ARFIP1: variants seen among roughly 807,000 people sequenced by gnomAD.
The protein encoded by ARFIP1 is arfaptin-1.
In ARFIP1, 24 loss-of-function variants were observed where a neutral mutation model predicts 42.5. The ratio of observed to expected loss-of-function variants is 0.57; its 90% confidence interval spans 0.41 to 0.80. The LOEUF (loss-of-function observed/expected upper bound fraction) is 0.80. ARFIP1 is among the 30% of genes least tolerant of loss of function. ARFIP1 has a pLI of 0.00. For missense variants in ARFIP1, 354 were observed against 434.0 expected (o/e 0.82, Z 1.64); for synonymous variants, 141 against 153.7 (o/e 0.92, Z 0.61).
intron 1 of ARFIP1, among the ~76,000 whole-genome samples, chr4:152,790,305 C>G (rs1731071897): frequency 6.6e-6 from 1 of 152,154 alleles, no homozygotes; most frequent in East Asian, 1.9e-4. Flanking sequence ...AACAGGTAAC[C>G]TGTTTGATCT....
At chr4:152,872,039 T>G (rs898645198) in intron 4 of ARFIP1, among the ~76,000 whole-genome samples, 2 of 152,160 alleles carry the variant, frequency 1.3e-5, no homozygotes, top group Non-Finnish European at 2.9e-5. Flanking sequence ...CACATTACAG[T>G]GAAAGATCAC....
intron 1 of ARFIP1, among the ~76,000 whole-genome samples, chr4:152,785,594 C>T (rs1256551607): frequency 6.6e-6 from 1 of 152,226 alleles, no homozygotes; most frequent in Admixed American, 6.5e-5. Flanking sequence ...TGAACCACTG[C>T]ATCCAGCATA....
intron 1 of ARFIP1, among the ~76,000 whole-genome samples, chr4:152,804,539 A>G (rs75709219): frequency 0.046 from 6,220 of 135,942 alleles, 584 homozygotes; most frequent in African/African-American, 0.16. Context: ...CTGTTCATGT[A>G]TTTCAGTCAC....
chr4:152,808,321 G>T (rs1464241904), intron 1 of ARFIP1, among the ~76,000 whole-genome samples: 2 of 22,490 alleles, frequency 8.9e-5, no homozygotes, highest in East Asian at 1.1e-3. Context: ...TTTTTTTGTA[G>T]CAGTAGTTTG....
At chr4:152,843,661 G>C (rs1435476652) in intron 2 of ARFIP1, among the ~76,000 whole-genome samples, 1 of 152,124 alleles carries the variant, frequency 6.6e-6, no homozygotes, top group Non-Finnish European at 1.5e-5. Flanking sequence ...GATTATGGCT[G>C]CCTCTGCTGA....
chr4:152,824,984 C>A (rs923230780), intron 1 of ARFIP1, among the ~76,000 whole-genome samples: 2 of 148,322 alleles, frequency 1.3e-5, no homozygotes, highest in Admixed American at 6.6e-5. Context: ...TACATACACA[C>A]ACACACACAT....
At chr4:152,855,157 AGGT>A (rs775289448) in intron 2 of ARFIP1, among the ~76,000 whole-genome samples, 11 of 152,050 alleles carry the variant, frequency 7.2e-5, no homozygotes, top group Non-Finnish European at 1.2e-4. Flanking sequence ...GTGCCAGCTG[AGGT>A]GGTAGCAGCT....
chr4:152,827,777 A>G (rs1346271506), intron 1 of ARFIP1, among the ~76,000 whole-genome samples: 1 of 152,032 alleles, frequency 6.6e-6, no homozygotes, highest in Non-Finnish European at 1.5e-5. Flanking sequence ...CTGGGCTCAA[A>G]TGATCCTCCC....
chr4:152,879,101 C>G (rs1175423117), intron 5 of ARFIP1, among the ~76,000 whole-genome samples: 1 of 151,846 alleles, frequency 6.6e-6, no homozygotes, highest in Non-Finnish European at 1.5e-5. Flanking sequence ...TACTTTATCC[C>G]CTTCCGTGGT....
chr4:152,908,361 C>CA (rs1738543376), intron 8 of ARFIP1, among the ~76,000 whole-genome samples: 1 of 152,190 alleles, frequency 6.6e-6, no homozygotes, highest in Admixed American at 6.5e-5. Flanking sequence ...CACGGTGACT[C>CA]ACGCCTGTAA....
At chr4:152,816,501 G>A (rs1330312150) in intron 1 of ARFIP1, among the ~76,000 whole-genome samples, 1 of 152,148 alleles carries the variant, frequency 6.6e-6, no homozygotes, top group African/African-American at 2.4e-5. Context: ...ACTTTATTCA[G>A]GTCTCACAAA....
In ARFIP1 at chr4:152,902,975, T is replaced by G. The variant is rs148955038; in HGVS notation, c.967-7089T>G. 2.0e-4 allele frequency among the ~76,000 whole-genome samples: 30 copies of G among 152,348 alleles called. No homozygotes were observed. The East Asian group carries it at 4.4e-3, about 23-fold the overall frequency. The stretch of plus-strand genomic sequence containing the variant: ...TGAAACTGCTTGTATAGTAACAGCA[T>G]GATTCTCAAAATTGCAAAAATTTCT... On this transcript the variant is annotated intron_variant, in intron 8 of 8. Transcript: ENST00000353617.
chr4:152,846,961 A>G (rs1732581955), intron 2 of ARFIP1, among the ~76,000 whole-genome samples: 1 of 151,050 alleles, frequency 6.6e-6, no homozygotes, highest in Non-Finnish European at 1.5e-5. Flanking sequence ...CTCATTGCAG[A>G]TATTTGATTT....
intron 2 of ARFIP1, among the ~76,000 whole-genome samples, chr4:152,861,570 A>G (rs1463115234): frequency 6.6e-6 from 1 of 152,148 alleles, no homozygotes; most frequent in African/African-American, 2.4e-5. Context: ...TTCAGCAAAC[A>G]TTCCAAAATA....
At chr4:152,871,562 G>T (rs938173672) in intron 4 of ARFIP1, among the ~76,000 whole-genome samples, 2 of 139,772 alleles carry the variant, frequency 1.4e-5, no homozygotes, top group Non-Finnish European at 3.1e-5. Flanking sequence ...GGGAAAGATT[G>T]GTCTGATTAT....
At chr4:152,812,374 G>C (rs1326554748) in intron 1 of ARFIP1, among the ~76,000 whole-genome samples, 2 of 152,132 alleles carry the variant, frequency 1.3e-5, no homozygotes, top group East Asian at 3.9e-4. Flanking sequence ...AAAAATAAAA[G>C]TACAGACAGG....
chr4:152,819,404 A>G (rs1347107882), intron 1 of ARFIP1, among the ~76,000 whole-genome samples: 1 of 152,108 alleles, frequency 6.6e-6, no homozygotes, highest in Non-Finnish European at 1.5e-5. Flanking sequence ...TTACAAGGAA[A>G]TCTCCATCTA....
At chr4:152,847,473 G>A (rs1732652117) in intron 2 of ARFIP1, among the ~76,000 whole-genome samples, 1 of 151,834 alleles carries the variant, frequency 6.6e-6, no homozygotes, top group Non-Finnish European at 1.5e-5. Flanking sequence ...GCCAGATGTG[G>A]AGAGGATAAT....
chr4:152,889,836 CTA>C lies in ARFIP1; in HGVS notation c.966+1538_966+1539del, dbSNP rs1272282572. Among the ~76,000 whole-genome samples the C allele has an allele frequency of 6.1e-3, 604 of 98,698 alleles. 5 individuals are homozygous for C. Among genetic ancestry groups the C allele is most frequent in the African/African-American group, 0.022 (549 of 25,048 alleles). The allele number at this position is 98,698 out of a possible 152,430, so 64.7% of individuals were successfully genotyped here. On this transcript the variant is annotated intron_variant, in intron 8 of 8. Coordinates refer to ENST00000353617, the MANE Select transcript of ARFIP1 (RefSeq NM_001025595.3). Reference sequence around the variant, plus strand: ...ATATATATACTATATATACTATATACTATATATATACTATATATACTATATAT... The same window carrying C: ...ATATATATACTATATATACTATATACTATATATACTATATATACTATATAT...
Sources: allele counts gnomAD v4.1 joint callset (sites outside exome capture counted in the v4.1 genomes callset), GRCh38; gene constraint gnomAD v4.1.1; transcripts MANE v1.5; gene names NCBI Gene and HGNC (gene_info 2026-07-23, HGNC 2026-07-21).